ZNF716: variants seen among roughly 807,000 people sequenced by gnomAD.
The protein encoded by ZNF716 is zinc finger protein 716.
In ZNF716, 9 loss-of-function variants were observed where a neutral mutation model predicts 13.4. The observed-to-expected ratio is 0.67, with a 90% CI of 0.41 to 1.18. The LOEUF (loss-of-function observed/expected upper bound fraction) is 1.18, where lower values mean the gene tolerates loss of function less well. Ranked by LOEUF, ZNF716 falls within the 50% of genes most tolerant of loss-of-function variation. The pLI is 0.01. For synonymous variants in ZNF716, 186 were observed against 195.2 expected, an observed-to-expected ratio of 0.95 and a Z score of 0.39; for missense variants, 581 against 576.6, an observed-to-expected ratio of 1.01 and a Z score of -0.08.
chr7:57,459,289 A>G (rs2103101), intron 1 of ZNF716, among the ~76,000 whole-genome samples: 15,809 of 108,774 alleles, frequency 0.15, 1,019 homozygotes, highest in East Asian at 0.24. Context: ...CATGCTCCTG[A>G]GCACACAGTA....
At position 57,472,377 on chromosome 7, in the gene ZNF716, CATCTT is replaced by C. The variant is rs1562681295; in HGVS notation, c.*2430_*2434del. ...AGCTGCCATTGACTCTATCGTGTCT[CATCTT>C]AAGGTTCTGCGTAAAAGATGGTGAC... On this transcript the variant is annotated 3_prime_UTR_variant, in exon 4 of 4. Transcript: ENST00000420713. 1 of 152,142 alleles carries C rather than the reference CATCTT, an allele frequency of 6.6e-6. No individual in the cohort carries two copies. Among genetic ancestry groups the C allele is most frequent in the African/African-American group, 2.4e-5 (1 of 41,420 alleles). The allele number at this position is 152,142 out of a possible 1,614,324, so 9.4% of individuals were successfully genotyped here.
chr7:57,469,487 T>A lies in ZNF716; in HGVS notation c.1026T>A (p.His342Gln), dbSNP rs782369321. Residue 342 changes from histidine to glutamine, a missense_variant, in exon 4 of 4, where the codon CAT (histidine) becomes CAA (glutamine). By Grantham distance (24) the His-to-Gln change is conservative. Transcript: ENST00000420713. Reference protein sequence around the residue: ...AFSLSSTLKKHKIVHTGEKLY... With the variant: ...AFSLSSTLKKQKIVHTGEKLY... ...GCTTATCCTCAACCCTTAAGAAACA[T>A]AAGATAGTTCATACTGGGGAGAAAC... 2 of 1,612,404 alleles carry A rather than the reference T, an allele frequency of 1.2e-6. No individual in the cohort carries two copies. Among genetic ancestry groups the A allele is most frequent in the African/African-American group, 2.7e-5 (2 of 74,554 alleles).
chr7:57,459,259 C>G (rs1789661394), intron 1 of ZNF716, among the ~76,000 whole-genome samples: 6 of 151,450 alleles, frequency 4.0e-5, no homozygotes, highest in Admixed American at 1.3e-4. Flanking sequence ...ATGTGTTATT[C>G]CCAGCACAGT....
intron 1 of ZNF716, among the ~76,000 whole-genome samples, chr7:57,454,451 A>T (rs1401932782): frequency 2.0e-5 from 3 of 152,284 alleles, no homozygotes; most frequent in East Asian, 3.9e-4. Context: ...CCAAGCTATG[A>T]GCAATATGGA....
chr7:57,452,811 G>A (rs1490197997), intron 1 of ZNF716, among the ~76,000 whole-genome samples: 4 of 152,142 alleles, frequency 2.6e-5, no homozygotes, highest in African/African-American at 9.6e-5. Flanking sequence ...GTTTTTCCTG[G>A]TTCTGGGTCT....
chr7:57,451,568 C>T (rs1185246516), intron 1 of ZNF716, among the ~76,000 whole-genome samples: 8 of 150,982 alleles, frequency 5.3e-5, no homozygotes, highest in Non-Finnish European at 1.2e-4. Context: ...CTGCCTCAGC[C>T]TCCTGAGTAG....
intron 1 of ZNF716, among the ~76,000 whole-genome samples, chr7:57,454,099 T>G (rs1193123384): frequency 6.6e-6 from 1 of 152,206 alleles, no homozygotes; most frequent in African/African-American, 2.4e-5. Context: ...TCTCAAATTG[T>G]TGGGATTACA....
Position 57,469,276 on chromosome 7 carries a change from A to G in ZNF716, c.815A>G (p.Glu272Gly). Residue 272 changes from glutamate (E) to glycine (G), a missense_variant, in exon 4 of 4, where the codon GAA (glutamate) becomes GGA (glycine). Glu to Gly is a moderately conservative substitution (Grantham distance 98, BLOSUM62 -2). Transcript: ENST00000420713. ...ACTGGAGAGAAACCTTACACATGTG[A>G]AGAACGTGGCAAAGTCTTTAGCCGC... ...IHTGEKPYTCEERGKVFSRST... is the reference protein window; with the variant it reads ...IHTGEKPYTCGERGKVFSRST... The G allele has an allele frequency of 6.3e-7, 1 of 1,590,920 alleles. No individual in the cohort carries two copies. Among genetic ancestry groups the G allele is most frequent in the Non-Finnish European group, 8.6e-7 (1 of 1,166,796 alleles).
Position 57,450,199 on chromosome 7 carries a change from A to C in ZNF716, c.-90A>C. 3.1e-6 allele frequency: 5 copies of C among 1,589,782 alleles called. No individual in the cohort carries two copies. The highest frequency in any genetic ancestry group is 4.3e-6 in the Non-Finnish European group (5 of 1,163,616). Reference sequence around the variant, plus strand: ...GTTCTTTTTGCTTCTCTGCGCCCAGAGCTCCAGTCCTTCTCTTCACTGCTC... The same window carrying C: ...GTTCTTTTTGCTTCTCTGCGCCCAGCGCTCCAGTCCTTCTCTTCACTGCTC... On this transcript the variant is annotated 5_prime_UTR_variant, in exon 1 of 4. Transcript: ENST00000420713.
At chr7:57,461,502 A>G (rs1789707672) in intron 1 of ZNF716, among the ~76,000 whole-genome samples, 1 of 152,208 alleles carries the variant, frequency 6.6e-6, no homozygotes, top group Admixed American at 6.5e-5. Flanking sequence ...GCTGAAGTAC[A>G]TAAACCATCA....
In ZNF716 at chr7:57,469,220, T is replaced by C. The variant is rs782501834; in HGVS notation, c.759T>C (p.Ser253=). Residue 253 remains serine, a synonymous_variant, in exon 4 of 4, where the codon TCT becomes TCC. Coordinates refer to ENST00000420713, the MANE Select transcript of ZNF716 (RefSeq NM_001159279.1). Reference sequence around the variant, plus strand: ...AATGTGGCAAAGCTTTTAGCTGGTCTGCATCCCTTACTAAACATAAGAGAA... The same window carrying C: ...AATGTGGCAAAGCTTTTAGCTGGTCCGCATCCCTTACTAAACATAAGAGAA... ...CEECGKAFSW[S]ASLTKHKRIH... 2 of 1,611,986 alleles carry C rather than the reference T, an allele frequency of 1.2e-6. No individual in the cohort carries two copies. Among genetic ancestry groups the C allele is most frequent in the African/African-American group, 2.7e-5 (2 of 74,682 alleles).
Position 57,454,179 on chromosome 7 carries a change from A to T in ZNF716, c.39+3852A>T, listed in dbSNP as rs75607036. Among the ~76,000 whole-genome samples, 1,665 of 152,244 alleles carry T rather than the reference A, an allele frequency of 0.011. 158 individuals carry two copies. In the East Asian group the frequency reaches 0.24, roughly 22 times the overall value. On this transcript the variant is annotated intron_variant, in intron 1 of 3. Coordinates refer to ENST00000420713, the MANE Select transcript of ZNF716 (RefSeq NM_001159279.1). ...TTTATGCTAAACTTTATGAGATGGGACTGGGCACCTTCTAGAAGTTTGTTC... is the reference window on the plus strand; with the variant it reads ...TTTATGCTAAACTTTATGAGATGGGTCTGGGCACCTTCTAGAAGTTTGTTC...
rs11765227 is a variant in ZNF716 at position 57,472,806 on chromosome 7, G to T, written c.*2857G>T. ...CACAGCAAACAAGTTGAAGAATTTT[G>T]TTCCCATAGGACAAATTTGTACTTT... On this transcript the variant is annotated 3_prime_UTR_variant, in exon 4 of 4. Transcript: ENST00000420713. 2 of 151,832 alleles carry T rather than the reference G, an allele frequency of 1.3e-5. No homozygotes were observed. The highest frequency in any genetic ancestry group is 2.9e-5 in the Non-Finnish European group (2 of 67,934). 9.4% of individuals were successfully genotyped at this position (151,832 alleles called of 1,614,324 possible).
rs1789886702 is a variant in ZNF716, at chr7:57,469,629, A to G, written c.1168A>G (p.Ser390Gly). 6.2e-7 allele frequency: 1 copy of G among 1,613,348 alleles called. No homozygotes were observed. The highest frequency in any genetic ancestry group is 1.3e-5 in the African/African-American group (1 of 74,832). The change falls in exon 4 of 4, where the codon AGC becomes GGC. Residue 390 changes from serine (S) to glycine (G), a missense_variant. Ser to Gly is a moderately conservative substitution (Grantham distance 56). Coordinates refer to ENST00000420713, the MANE Select transcript of ZNF716 (RefSeq NM_001159279.1). ...TTGTGAAGAATGTGGCAAAGCCTTT[A>G]GCTTACCCTCAACCTTCACTTACCA... ...YTCEECGKAF[S>G]LPSTFTYHKR...
At chr7:57,454,936 G>A (rs375062474) in intron 1 of ZNF716, among the ~76,000 whole-genome samples, 3 of 151,936 alleles carry the variant, frequency 2.0e-5, no homozygotes, top group African/African-American at 7.3e-5. Context: ...TGAGGCAGGA[G>A]AATGGCATGA....
Position 57,469,913 on chromosome 7 carries a change from T to C in ZNF716, c.1452T>C (p.Asn484=). ...ATTCAAGTCTTGCTAATCATAAGAA[T>C]ATGCATACTGGAGAGAAACCCTACA... ...KWHSSLANHK[N]MHTGEKPYKY... is the part of the protein sequence containing the mutation. The change falls in exon 4 of 4, where the codon AAT becomes AAC. Residue 484 remains asparagine (N), a synonymous_variant. Transcript: ENST00000420713. 1 of 1,578,116 alleles carries C rather than the reference T, an allele frequency of 6.3e-7. No individual in the cohort carries two copies. Among genetic ancestry groups the C allele is most frequent in the South Asian group, 1.1e-5 (1 of 87,196 alleles).
intron 1 of ZNF716, among the ~76,000 whole-genome samples, chr7:57,454,685 G>T (rs1239284377): frequency 6.6e-6 from 1 of 152,134 alleles, no homozygotes; most frequent in Non-Finnish European, 1.5e-5. Context: ...GCAGTTTCTG[G>T]ACTTTGTAAA....
chr7:57,461,333 T>C (rs1354004272), intron 1 of ZNF716, among the ~76,000 whole-genome samples: 1 of 152,160 alleles, frequency 6.6e-6, no homozygotes, highest in Non-Finnish European at 1.5e-5. Context: ...ACCACAGCAG[T>C]GATGTTGCGT....
rs782695242 is a variant in ZNF716 at position 57,469,938 on chromosome 7, A to T, written c.1477A>T (p.Lys493Ter). The change falls in exon 4 of 4, where the codon AAA (lysine) becomes TAA (stop). Residue 493 changes from lysine (K) to a stop codon, truncating the protein, a stop_gained. Coordinates refer to ENST00000420713, the MANE Select transcript of ZNF716 (RefSeq NM_001159279.1). LOFTEE classifies it high-confidence loss of function. ...TATGCATACTGGAGAGAAACCCTAC[A>T]AATATGAATAATGTGGTAAAGTCCA... ...KNMHTGEKPY[K>*]YE 5 of 1,555,458 alleles carry T rather than the reference A, an allele frequency of 3.2e-6. No individual in the cohort carries two copies. In the Admixed American group the frequency reaches 8.0e-5, roughly 25 times the overall value.
Sources: allele counts gnomAD v4.1 joint callset (sites outside exome capture counted in the v4.1 genomes callset), GRCh38; gene constraint gnomAD v4.1.1; transcripts MANE v1.5; gene names NCBI Gene and HGNC (gene_info 2026-07-23, HGNC 2026-07-21).